The following ZNF536 variants were observed in gnomAD, a reference collection of about 807,000 sequenced individuals.
ZNF536 encodes zinc finger protein 536.
In ZNF536, 13 loss-of-function variants were observed where a neutral mutation model predicts 84.5. The observed-to-expected ratio is 0.15, with a 90% CI of 0.10 to 0.24. The LOEUF is 0.24. Ranked by LOEUF, ZNF536 falls within the 10% of genes least tolerant of loss-of-function variation. The pLI, the probability that ZNF536 is intolerant of heterozygous loss-of-function variation, is 1.00. For missense variants in ZNF536, 1,536 were observed against 1,747.5 expected, an observed-to-expected ratio of 0.88 and a Z score of 2.16; for synonymous variants, 811 against 742.5, an observed-to-expected ratio of 1.09 and a Z score of -1.50.
intron 1 of ZNF536, among the ~76,000 whole-genome samples, chr19:30,673,558 C>T (rs2050642393): frequency 6.6e-6 from 1 of 152,178 alleles, no homozygotes; most frequent in Non-Finnish European, 1.5e-5. Flanking sequence ...GCCCTGGCCA[C>T]CCAGGCACAT....
chr19:30,565,554 C>T (rs536796528), intron 1 of ZNF536, among the ~76,000 whole-genome samples: 1 of 152,320 alleles, frequency 6.6e-6, no homozygotes, highest in South Asian at 2.1e-4. Flanking sequence ...GATGGCTTGC[C>T]CACAGTCTTT....
chr19:30,636,195 A>G (rs1366913348), intron 1 of ZNF536, among the ~76,000 whole-genome samples: 1 of 152,122 alleles, frequency 6.6e-6, no homozygotes, highest in Non-Finnish European at 1.5e-5. Context: ...GGCTTTTCTT[A>G]TCTAGGCTGG....
At chr19:30,430,355 C>G (rs1456383922) in intron 1 of ZNF536, among the ~76,000 whole-genome samples, 1 of 152,300 alleles carries the variant, frequency 6.6e-6, no homozygotes, top group Non-Finnish European at 1.5e-5. Context: ...TCATCAAGTG[C>G]CTCCCCTGTG....
At position 30,641,273 on chromosome 19, in the gene ZNF536, C is replaced by T. The variant is rs181819815; in HGVS notation, c.170-69484C>T. ...AAAGAAAAGCAAATTCTATTTTTTT[C>T]TGTTCTGATTATTTAAAAAATAGAA... On this transcript the variant is annotated intron_variant, in intron 1 of 1. Transcript: ENST00000592773. 3.7e-3 allele frequency among the ~76,000 whole-genome samples: 558 copies of T among 152,198 alleles called. 4 individuals are homozygous for T. Among genetic ancestry groups the T allele is most frequent in the African/African-American group, 0.013 (539 of 41,546 alleles).
intron 1 of ZNF536, among the ~76,000 whole-genome samples, chr19:30,244,073 G>A (rs143542890): frequency 0.012 from 1,775 of 152,130 alleles, 16 homozygotes; most frequent in Middle Eastern, 0.034. Flanking sequence ...CCTTAGCTTC[G>A]TCTTCTTTTA....
intron 1 of ZNF536, among the ~76,000 whole-genome samples, chr19:30,570,479 T>C (rs778710147): frequency 8.5e-5 from 13 of 152,146 alleles, no homozygotes; most frequent in Non-Finnish European, 1.6e-4. Flanking sequence ...CACGTAGATA[T>C]TACCACTTTA....
At chr19:30,610,982 C>T (rs1301773853) in intron 1 of ZNF536, among the ~76,000 whole-genome samples, 3 of 152,220 alleles carry the variant, frequency 2.0e-5, no homozygotes, top group Non-Finnish European at 4.4e-5. Flanking sequence ...CAATCATTCG[C>T]TCAGTTGTGG....
intron 2 of ZNF536, among the ~76,000 whole-genome samples, chr19:30,502,475 C>A (rs1338208425): frequency 1.3e-5 from 2 of 151,990 alleles, no homozygotes; most frequent in Admixed American, 6.6e-5. Context: ...CTGTGTATGT[C>A]CAGGACAAGT....
chr19:30,497,602 A>G (rs2054775212), intron 2 of ZNF536, among the ~76,000 whole-genome samples: 1 of 152,238 alleles, frequency 6.6e-6, no homozygotes, highest in African/African-American at 2.4e-5. Flanking sequence ...CATGTATGGA[A>G]CTAAACCCAC....
chr19:30,330,985 G>T (rs1393294077), intron 2 of ZNF536, among the ~76,000 whole-genome samples: 1 of 152,168 alleles, frequency 6.6e-6, no homozygotes, highest in South Asian at 2.1e-4. Context: ...TCAGGCTCAA[G>T]TCATTGATAC....
intron 1 of ZNF536, among the ~76,000 whole-genome samples, chr19:30,678,564 TG>T (rs2050841427): frequency 6.6e-6 from 1 of 152,180 alleles, no homozygotes; most frequent in Non-Finnish European, 1.5e-5. Flanking sequence ...TTGACAGACA[TG>T]GTGGGAACCC....
intron 1 of ZNF536, among the ~76,000 whole-genome samples, chr19:30,604,649 C>T (rs376588190): frequency 9.9e-5 from 15 of 152,222 alleles, no homozygotes; most frequent in Middle Eastern, 3.4e-3. Flanking sequence ...TCAGTTATTA[C>T]CTAATAGATG....
At chr19:30,331,944 G>A (rs1379358812) in intron 2 of ZNF536, among the ~76,000 whole-genome samples, 4 of 152,112 alleles carry the variant, frequency 2.6e-5, no homozygotes, top group Admixed American at 2.6e-4. Context: ...TCTGTGGCAT[G>A]TTTTCTTTTT....
intron 2 of ZNF536, among the ~76,000 whole-genome samples, chr19:30,318,671 G>A (rs1309685070): frequency 6.6e-6 from 1 of 152,256 alleles, no homozygotes; most frequent in African/African-American, 2.4e-5. Context: ...GCATACACGT[G>A]TGTTTGCATG....
At chr19:30,460,627 A>G (rs2053089240) in intron 2 of ZNF536, among the ~76,000 whole-genome samples, 1 of 152,122 alleles carries the variant, frequency 6.6e-6, no homozygotes, top group African/African-American at 2.4e-5. Flanking sequence ...GGAAGTGACA[A>G]TGGACACCAG....
intron 1 of ZNF536, among the ~76,000 whole-genome samples, chr19:30,423,745 C>G (rs2051084181): frequency 6.6e-6 from 1 of 152,176 alleles, no homozygotes; most frequent in East Asian, 1.9e-4. Flanking sequence ...GGGCAGGGCT[C>G]CCTCCCGGGG....
At chr19:30,550,747 T>C (rs55663539) in intron 4 of ZNF536, among the ~76,000 whole-genome samples, 15,758 of 152,272 alleles carry the variant, frequency 0.1, 1,128 homozygotes, top group Non-Finnish European at 0.15. Flanking sequence ...TAATTTAGAT[T>C]GATATATTTC....
At chr19:30,313,513 G>A (rs2146126536) in intron 2 of ZNF536, among the ~76,000 whole-genome samples, 1 of 152,200 alleles carries the variant, frequency 6.6e-6, no homozygotes, top group East Asian at 1.9e-4. Flanking sequence ...TCCACAGGGA[G>A]CCCATTCTCT....
chr19:30,260,596 G>A (rs1205725453), intron 1 of ZNF536, among the ~76,000 whole-genome samples: 4 of 152,236 alleles, frequency 2.6e-5, no homozygotes, highest in East Asian at 1.9e-4. Context: ...GGTGAGTTCA[G>A]GATGGAGTCA....
Sources: allele counts gnomAD v4.1 joint callset (sites outside exome capture counted in the v4.1 genomes callset), GRCh38; gene constraint gnomAD v4.1.1; transcripts MANE v1.5; gene names NCBI Gene and HGNC (gene_info 2026-07-23, HGNC 2026-07-21).